The following MLLT10 variants were observed in gnomAD, a reference collection of about 807,000 sequenced individuals.
The protein encoded by MLLT10 is protein AF-10.
MLLT10 carries 30 observed loss-of-function variants against 129.1 expected under a neutral mutation model. The observed-to-expected ratio is 0.23, with a 90% CI of 0.17 to 0.32. The LOEUF (loss-of-function observed/expected upper bound fraction) is 0.32. Among genes scored for constraint, MLLT10 ranks in the 10% least tolerant of loss-of-function variants. The probability of loss-of-function intolerance (pLI) is 1.00; values close to 1 mark genes in which losing one functional copy is unlikely to be tolerated. For synonymous variants in MLLT10, 490 were observed against 446.4 expected (o/e 1.10, Z -1.23); for missense variants, 1,119 against 1,268.3 (o/e 0.88, Z 1.79).
chr10:21,652,038 G>T (rs550764079), intron 9 of MLLT10, among the ~76,000 whole-genome samples: 1 of 147,186 alleles, frequency 6.8e-6, no homozygotes, highest in Admixed American at 7.0e-5. Flanking sequence ...TCAGACTCCC[G>T]AGTAGCTGGG....
intron 8 of MLLT10, among the ~76,000 whole-genome samples, chr10:21,628,895 T>G (rs2046738919): frequency 6.6e-6 from 1 of 151,894 alleles, no homozygotes; most frequent in East Asian, 1.9e-4. Context: ...ACTACAGGTG[T>G]GTGCCACCAT....
intron 3 of MLLT10, among the ~76,000 whole-genome samples, chr10:21,553,089 C>G (rs1188147618): frequency 6.6e-6 from 1 of 152,060 alleles, no homozygotes; most frequent in Non-Finnish European, 1.5e-5. Context: ...TCCCCCTACT[C>G]CCCTGTTTCT....
At chr10:21,691,408 A>G (rs1259990894) in intron 13 of MLLT10, among the ~76,000 whole-genome samples, 5 of 152,324 alleles carry the variant, frequency 3.3e-5, no homozygotes, top group African/African-American at 1.2e-4. Flanking sequence ...GTATGTGCCC[A>G]TTCCTAACAG....
intron 3 of MLLT10, among the ~76,000 whole-genome samples, chr10:21,565,779 T>C (rs188360856): frequency 2.6e-5 from 4 of 151,718 alleles, no homozygotes; most frequent in Admixed American, 2.6e-4. Context: ...CTGATTTTTT[T>C]ATTATTTGTA....
At chr10:21,554,854 C>T (rs2037665022) in intron 3 of MLLT10, among the ~76,000 whole-genome samples, 1 of 150,634 alleles carries the variant, frequency 6.6e-6, no homozygotes. Flanking sequence ...CAGAGTTTTG[C>T]CGTGTTTCCC....
chr10:21,582,257 G>C (rs2041542699), intron 3 of MLLT10, among the ~76,000 whole-genome samples: 1 of 151,924 alleles, frequency 6.6e-6, no homozygotes, highest in East Asian at 1.9e-4. Flanking sequence ...AGCTGGGACT[G>C]CAGGCACGTG....
Position 21,682,274 on chromosome 10 carries a change from T to C in MLLT10, c.1699+17T>C. 6.2e-7 allele frequency: 1 copy of C among 1,606,648 alleles called. No individual in the cohort carries two copies. The highest frequency in any genetic ancestry group is 1.7e-4 in the Middle Eastern group (1 of 6,048). On this transcript the variant is annotated intron_variant, in intron 13 of 22. Transcript: ENST00000307729. ...TACACAACGGTAAGTTTTATTAGAATCTTCTCTAGTGGTTCGTTTATCACA... is the reference window on the plus strand; with the variant it reads ...TACACAACGGTAAGTTTTATTAGAACCTTCTCTAGTGGTTCGTTTATCACA...
intron 3 of MLLT10, among the ~76,000 whole-genome samples, chr10:21,568,110 A>G (rs2039799729): frequency 1.3e-5 from 2 of 151,960 alleles, no homozygotes; most frequent in Admixed American, 6.6e-5. Flanking sequence ...GAGCCACCGC[A>G]CCCGGCCTTG....
intron 2 of MLLT10, 26 bp from the exon 3 acceptor site, chr10:21,538,807 T>C: frequency 6.4e-7 from 1 of 1,559,442 alleles, no homozygotes; most frequent in Non-Finnish European, 8.8e-7. Flanking sequence ...AATCTTAACA[T>C]TTTAACACAT....
rs538612820 is a variant in MLLT10 at position 21,671,048 on chromosome 10, C to T, written c.1051+344C>T. On this transcript the variant is annotated intron_variant, in intron 10 of 22. Transcript: ENST00000307729. Reference sequence around the variant, plus strand: ...GAACAGTCCTTCTTTTTGTTTGAGACGGAATCTCGCTCTGTTGCCTGGGCT... The same window carrying T: ...GAACAGTCCTTCTTTTTGTTTGAGATGGAATCTCGCTCTGTTGCCTGGGCT... The T allele has an allele frequency of 1.2e-3, 231 of 186,074 alleles. 1 individual carries two copies. Among genetic ancestry groups the T allele is most frequent in the Non-Finnish European group, 2.3e-3 (200 of 88,830 alleles). The allele number at this position is 186,074 out of a possible 1,614,324, so 11.5% of individuals were successfully genotyped here. A position where few individuals can be genotyped will look rare whatever the true frequency, so the allele number is the denominator to read the frequency against.
At chr10:21,664,245 T>C (rs2050506666) in intron 9 of MLLT10, among the ~76,000 whole-genome samples, 1 of 152,104 alleles carries the variant, frequency 6.6e-6, no homozygotes. Flanking sequence ...TTGATACTTT[T>C]TTGATGCAGA....
chr10:21,665,837 C>G (rs1210398067), intron 9 of MLLT10, among the ~76,000 whole-genome samples: 1 of 151,988 alleles, frequency 6.6e-6, no homozygotes, highest in African/African-American at 2.4e-5. Flanking sequence ...CAAGCGATCT[C>G]CCACCTCAGT....
At chr10:21,672,409 G>T (rs1237382904) in intron 10 of MLLT10, among the ~76,000 whole-genome samples, 1 of 151,972 alleles carries the variant, frequency 6.6e-6, no homozygotes, top group Non-Finnish European at 1.5e-5. Flanking sequence ...TAAATTTTTT[G>T]TAGAGACGGG....
intron 10 of MLLT10, among the ~76,000 whole-genome samples, chr10:21,672,509 G>T (rs557576386): frequency 6.6e-6 from 1 of 152,228 alleles, no homozygotes; most frequent in African/African-American, 2.4e-5. Flanking sequence ...GTTTCACCAT[G>T]TTGGTCAGGC....
At position 21,621,405 on chromosome 10, in the gene MLLT10, C is replaced by T. The variant is rs1483011086; in HGVS notation, c.699+4198C>T. On this transcript the variant is annotated intron_variant, in intron 8 of 22. Transcript: ENST00000307729. Reference sequence around the variant, plus strand: ...GATTATAGGCGCCCGCCAACACGCCCGGCTAATTTTTTTGTATTTTTAGTA... The same window carrying T: ...GATTATAGGCGCCCGCCAACACGCCTGGCTAATTTTTTTGTATTTTTAGTA... Among the ~76,000 whole-genome samples, 5 of 148,506 alleles carry T rather than the reference C, an allele frequency of 3.4e-5. No homozygotes were observed. In the South Asian group the frequency reaches 6.4e-4, roughly 19 times the overall value.
At chr10:21,648,202 T>C (rs1241906651) in intron 8 of MLLT10, among the ~76,000 whole-genome samples, 1 of 152,216 alleles carries the variant, frequency 6.6e-6, no homozygotes, top group African/African-American at 2.4e-5. Flanking sequence ...TTAGTGACAG[T>C]CATTAGACTT....
rs183006843 is a variant in MLLT10 at position 21,646,143 on chromosome 10, T to C, written c.700-5530T>C. 2.2e-3 allele frequency among the ~76,000 whole-genome samples: 333 copies of C among 152,116 alleles called. 3 individuals carry two copies. The highest frequency in any genetic ancestry group is 7.6e-3 in the African/African-American group (317 of 41,504). On this transcript the variant is annotated intron_variant, in intron 8 of 22. Coordinates refer to ENST00000307729, the MANE Select transcript of MLLT10 (RefSeq NM_001195626.3). ...ATTGCTTGAACCTGGGAGGCGGAGGTTGCAGGGAGTTGAGATCACACCACC... is the reference window on the plus strand; with the variant it reads ...ATTGCTTGAACCTGGGAGGCGGAGGCTGCAGGGAGTTGAGATCACACCACC...
intron 9 of MLLT10, among the ~76,000 whole-genome samples, chr10:21,656,005 CT>C (rs1795602707): frequency 1.3e-5 from 2 of 152,106 alleles, no homozygotes; most frequent in South Asian, 4.2e-4. Context: ...GACCAGGAGT[CT>C]TTTGATGACT....
chr10:21,593,503 A>C (rs1159245431), intron 4 of MLLT10, among the ~76,000 whole-genome samples: 2 of 152,138 alleles, frequency 1.3e-5, no homozygotes, highest in Admixed American at 1.3e-4. Context: ...AAGCATACTT[A>C]TTTTAAAACC....
Sources: allele counts gnomAD v4.1 joint callset (sites outside exome capture counted in the v4.1 genomes callset), GRCh38; gene constraint gnomAD v4.1.1; transcripts MANE v1.5; gene names NCBI Gene and HGNC (gene_info 2026-07-23, HGNC 2026-07-21).